Variants in SAMMSON observed in about 807,000 individuals in gnomAD.
SAMMSON encodes survival associated mitochondrial melanoma specific oncogenic non-coding RNA, also known as long intergenic non-protein coding RNA 1212.
intron 4 of SAMMSON, among the ~76,000 whole-genome samples, chr3:70,132,760 G>A (rs373166630): frequency 2.2e-5 from 3 of 137,392 alleles, no homozygotes; most frequent in African/African-American, 5.5e-5. Flanking sequence ...TGGGCAACAC[G>A]ATGAGACCCT....
chr3:70,389,020 G>T (rs1701017700), intron 9 of SAMMSON, among the ~76,000 whole-genome samples: 1 of 152,058 alleles, frequency 6.6e-6, no homozygotes, highest in Non-Finnish European at 1.5e-5. Context: ...AGAGCAGGTT[G>T]TTAAAAAGAA....
chr3:70,365,854 A>C (rs976762253), intron 9 of SAMMSON, among the ~76,000 whole-genome samples: 1 of 151,512 alleles, frequency 6.6e-6, no homozygotes, highest in Admixed American at 6.6e-5. Flanking sequence ...TAAAATTTAC[A>C]TATATTAAAA....
chr3:70,310,028 A>G (rs1235497050), intron 7 of SAMMSON, among the ~76,000 whole-genome samples: 2 of 152,198 alleles, frequency 1.3e-5, no homozygotes, highest in South Asian at 2.1e-4. Flanking sequence ...GAACTTCACC[A>G]TAAGTGGTGG....
intron 3 of SAMMSON, among the ~76,000 whole-genome samples, chr3:70,044,571 A>G (rs13094951): frequency 0.057 from 8,608 of 152,070 alleles, 338 homozygotes; most frequent in South Asian, 0.14. Context: ...TGTAGCACTG[A>G]GAACAGGTAT....
chr3:70,115,879 A>G (rs1355009243), intron 4 of SAMMSON, among the ~76,000 whole-genome samples: 2 of 152,172 alleles, frequency 1.3e-5, no homozygotes, highest in African/African-American at 2.4e-5. Flanking sequence ...TAAGTTGCCC[A>G]GTGTTGACAT....
At chr3:70,213,327 G>C (rs1701368879) in intron 4 of SAMMSON, among the ~76,000 whole-genome samples, 1 of 152,132 alleles carries the variant, frequency 6.6e-6, no homozygotes, top group Admixed American at 6.6e-5. Flanking sequence ...CTTGTGAGCA[G>C]TAAACTCCAG....
At chr3:70,216,759 C>A (rs1701415872) in intron 4 of SAMMSON, among the ~76,000 whole-genome samples, 1 of 152,128 alleles carries the variant, frequency 6.6e-6, no homozygotes, top group African/African-American at 2.4e-5. Flanking sequence ...ACATCAAAAA[C>A]AGTGCTTCCC....
At chr3:70,263,765 A>G (rs995787262) in intron 6 of SAMMSON, among the ~76,000 whole-genome samples, 2 of 151,934 alleles carry the variant, frequency 1.3e-5, no homozygotes, top group Non-Finnish European at 2.9e-5. Flanking sequence ...TCTTTCCTTC[A>G]TCTCAGTAAC....
At chr3:70,259,316 C>T (rs755086290) in intron 6 of SAMMSON, among the ~76,000 whole-genome samples, 6 of 151,956 alleles carry the variant, frequency 3.9e-5, no homozygotes, top group Non-Finnish European at 8.8e-5. Context: ...AAGTAAGCAC[C>T]ATCTTTTGAC....
chr3:70,331,425 C>T (rs1702620721), intron 7 of SAMMSON, among the ~76,000 whole-genome samples: 1 of 152,146 alleles, frequency 6.6e-6, no homozygotes, highest in Admixed American at 6.6e-5. Context: ...AGAGTTGGGG[C>T]CACCTGATAA....
In SAMMSON at chr3:70,430,384, G is replaced by T. The variant is rs551818716; in HGVS notation, n.234-32176G>T. On this transcript the variant is annotated intron_variant and non_coding_transcript_variant, in intron 2 of 3. Coordinates refer to the SAMMSON transcript ENST00000641053. ...TTCGGTATGCCACTATCATCACAAT[G>T]ATAGTTATGTAATGAAAATTATAAT... 3.3e-5 allele frequency among the ~76,000 whole-genome samples: 5 copies of T among 152,196 alleles called. No individual in the cohort carries two copies. In the South Asian group the frequency reaches 8.3e-4, roughly 25 times the overall value.
chr3:70,135,852 C>G (rs997525561), intron 4 of SAMMSON, among the ~76,000 whole-genome samples: 10 of 151,864 alleles, frequency 6.6e-5, no homozygotes, highest in African/African-American at 2.4e-4. Context: ...TTTTCTCCAT[C>G]TAATTCCTTG....
intron 4 of SAMMSON, chr3:70,197,224 G>T: frequency 7.5e-6 from 3 of 398,266 alleles, no homozygotes; most frequent in Non-Finnish European, 1.3e-5. Flanking sequence ...TGGCACATCT[G>T]GGGGCGTCTA....
intron 6 of SAMMSON, among the ~76,000 whole-genome samples, chr3:70,276,414 A>G (rs1255663834): frequency 6.6e-6 from 1 of 152,216 alleles, no homozygotes; most frequent in East Asian, 1.9e-4. Flanking sequence ...AAACATTGTA[A>G]CAAATACCCA....
At chr3:70,117,110 G>T (rs867311435) in intron 4 of SAMMSON, among the ~76,000 whole-genome samples, 1 of 152,150 alleles carries the variant, frequency 6.6e-6, no homozygotes, top group Admixed American at 6.5e-5. Context: ...TAAAATGATG[G>T]TGTACACCCT....
At chr3:70,411,651 TGTG>T (rs1701220401) in intron 2 of SAMMSON, among the ~76,000 whole-genome samples, 1 of 152,098 alleles carries the variant, frequency 6.6e-6, no homozygotes, top group African/African-American at 2.4e-5. Context: ...CAGGTTTTCT[TGTG>T]GTGTTCTCGT....
Position 70,300,565 on chromosome 3 carries a change from A to T in SAMMSON, n.739+9322A>T, listed in dbSNP as rs567963777. On this transcript the variant is annotated intron_variant and non_coding_transcript_variant, in intron 7 of 9. Transcript: ENST00000642114. ...TTAACCATGTTACTTTTCCCTGTTGAGTGTTTTCAAAAATTATATTTGATT... is the reference window on the plus strand; with the variant it reads ...TTAACCATGTTACTTTTCCCTGTTGTGTGTTTTCAAAAATTATATTTGATT... 1.6e-4 allele frequency among the ~76,000 whole-genome samples: 24 copies of T among 152,066 alleles called. No homozygotes were observed. The South Asian group carries it at 4.6e-3, about 29-fold the overall frequency.
At chr3:70,394,173 T>G (rs925884998), downstream of SAMMSON, among the ~76,000 whole-genome samples, 11 of 152,130 alleles carry the variant, frequency 7.2e-5, no homozygotes, top group African/African-American at 2.4e-4. Context: ...AAAGACTCAT[T>G]TCTGATCACA....
chr3:70,335,005 C>T (rs935285535), intron 7 of SAMMSON, among the ~76,000 whole-genome samples: 3 of 149,136 alleles, frequency 2.0e-5, no homozygotes, highest in African/African-American at 7.4e-5. Context: ...AGTTGATTTG[C>T]TTCCAGGTTG....
Sources: gnomAD v4.1 joint callset for allele counts (sites outside exome capture counted in the v4.1 genomes callset) on GRCh38, gnomAD v4.1.1 for gene constraint, MANE v1.5 for transcripts, NCBI Gene and HGNC (gene_info 2026-07-23, HGNC 2026-07-21) for gene names.